DPYSL2: variants seen among roughly 807,000 people sequenced by gnomAD.
DPYSL2 encodes the protein dihydropyrimidinase like 2.
DPYSL2 carries 13 observed loss-of-function variants against 69.9 expected under a neutral mutation model. The ratio of observed to expected loss-of-function variants is 0.19; its 90% CI spans 0.12 to 0.30. The LOEUF is 0.30. Among genes scored for constraint, DPYSL2 ranks in the 10% least tolerant of loss-of-function variants. DPYSL2 has a pLI of 1.00. For missense variants in DPYSL2, 587 were observed against 918.9 expected, an observed-to-expected ratio of 0.64 and a Z score of 4.67; for synonymous variants, 326 against 359.1, an observed-to-expected ratio of 0.91 and a Z score of 1.04.
intron 1 of DPYSL2, among the ~76,000 whole-genome samples, chr8:26,545,505 G>A (rs1800752707): frequency 6.6e-6 from 1 of 152,154 alleles, no homozygotes; most frequent in Non-Finnish European, 1.5e-5. Context: ...GGAAGCAGGT[G>A]GGCAGATCAC....
intron 1 of DPYSL2, among the ~76,000 whole-genome samples, chr8:26,543,521 C>G (rs1202201420): frequency 6.7e-6 from 1 of 148,476 alleles, no homozygotes; most frequent in African/African-American, 2.5e-5. Context: ...GAGTTTTGCT[C>G]TTGTTGCCCA....
At chr8:26,581,945 G>T in intron 1 of DPYSL2, 24 bp from the exon 2 acceptor site, 1 of 1,594,424 alleles carries the variant, frequency 6.3e-7, no homozygotes, top group South Asian at 1.1e-5. Flanking sequence ...TACGCGTTGT[G>T]ACCTTACTGC....
At chr8:26,584,838 C>T (rs147311641) in intron 3 of DPYSL2, among the ~76,000 whole-genome samples, 8,959 of 151,990 alleles carry the variant, frequency 0.059, 294 homozygotes, top group South Asian at 0.14. Flanking sequence ...AGGCTGGTCT[C>T]GAACTCCCCA....
At position 26,614,305 on chromosome 8, in the gene DPYSL2, T is replaced by G. The variant is rs1403348381; in HGVS notation, c.629-9838T>G. 6.6e-6 allele frequency among the ~76,000 whole-genome samples: 1 copy of G among 151,580 alleles called. No individual in the cohort carries two copies. Among genetic ancestry groups the G allele is most frequent in the Non-Finnish European group, 1.5e-5 (1 of 67,888 alleles). ...GGACAGGTTCCAGGCACTGGCAGGATGGGGGCCAGTGTGCAGTGGGCCAAG... is the reference window on the plus strand; with the variant it reads ...GGACAGGTTCCAGGCACTGGCAGGAGGGGGGCCAGTGTGCAGTGGGCCAAG... On this transcript the variant is annotated intron_variant, in intron 3 of 13. Transcript: ENST00000521913. The surrounding 1 kb of genome is among the most constrained non-coding windows in gnomAD (Gnocchi z 4.9).
intron 3 of DPYSL2, among the ~76,000 whole-genome samples, chr8:26,613,184 T>C (rs1346106958): frequency 2.6e-5 from 4 of 152,196 alleles, no homozygotes; most frequent in Non-Finnish European, 4.4e-5. Context: ...GAAAATGGGA[T>C]GAAAAGCCCA....
At chr8:26,634,958 G>C in intron 8 of DPYSL2, 58 bp downstream of exon 8, 2 of 1,604,876 alleles carry the variant, frequency 1.2e-6, no homozygotes, top group Non-Finnish European at 1.7e-6. Flanking sequence ...GGGGAGGGGG[G>C]CTCCTCACTA....
rs1396870005 is a variant in DPYSL2, at chr8:26,647,080, T to A, written c.1426-550T>A. ...CAAATGATATTTCCTAAAGAGGGATTGCCACCCCTGCAAATTAAACGAATT... is the reference window on the plus strand; with the variant it reads ...CAAATGATATTTCCTAAAGAGGGATAGCCACCCCTGCAAATTAAACGAATT... On this transcript the variant is annotated intron_variant, in intron 10 of 13. Transcript: ENST00000521913. This position sits in a 1 kb window ranked among gnomAD's most constrained non-coding sequence, Gnocchi z 5.1. Among the ~76,000 whole-genome samples the A allele has an allele frequency of 1.3e-5, 2 of 152,130 alleles. No homozygotes were observed. The highest frequency in any genetic ancestry group is 2.9e-5 in the Non-Finnish European group (2 of 68,020).
chr8:26,562,534 T>G lies in DPYSL2; in HGVS notation c.355-19435T>G, dbSNP rs1801089478. Among the ~76,000 whole-genome samples the G allele has an allele frequency of 6.6e-6, 1 of 152,180 alleles. No homozygotes were observed. Among genetic ancestry groups the G allele is most frequent in the Non-Finnish European group, 1.5e-5 (1 of 68,038 alleles). On this transcript the variant is annotated intron_variant, in intron 1 of 13. Transcript: ENST00000521913. The surrounding 1 kb of genome is among the most constrained non-coding windows in gnomAD (Gnocchi z 4.9). ...ATATATAAAAAGTATTGGTCAGATTTTGTTGTTCCCGATTAGAATGCTTAA... is the reference window on the plus strand; with the variant it reads ...ATATATAAAAAGTATTGGTCAGATTGTGTTGTTCCCGATTAGAATGCTTAA...
intron 1 of DPYSL2, among the ~76,000 whole-genome samples, chr8:26,535,898 T>TTG (rs112620337): frequency 0.031 from 4,429 of 141,172 alleles, 109 homozygotes; most frequent in East Asian, 0.11. Flanking sequence ...TCTCTATGGG[T>TTG]TGTGTGTGTG....
Position 26,560,202 on chromosome 8 carries a change from C to T in DPYSL2, c.355-21767C>T, listed in dbSNP as rs1242082540. 6.6e-6 allele frequency among the ~76,000 whole-genome samples: 1 copy of T among 152,174 alleles called. No homozygotes were observed. Among genetic ancestry groups the T allele is most frequent in the Non-Finnish European group, 1.5e-5 (1 of 68,044 alleles). Reference sequence around the variant, plus strand: ...CCTTGGCAGCTCACTCTGCCTGAACCTGGGTGGCAGGGGCTGCATGTTTAG... The same window carrying T: ...CCTTGGCAGCTCACTCTGCCTGAACTTGGGTGGCAGGGGCTGCATGTTTAG... On this transcript the variant is annotated intron_variant, in intron 1 of 13. Coordinates refer to ENST00000521913, the MANE Select transcript of DPYSL2 (RefSeq NM_001197293.3). The surrounding 1 kb of genome is among the most constrained non-coding windows in gnomAD (Gnocchi z 4.4).
chr8:26,604,572 T>C (rs1329343723), intron 3 of DPYSL2, among the ~76,000 whole-genome samples: 1 of 152,074 alleles, frequency 6.6e-6, no homozygotes, highest in Non-Finnish European at 1.5e-5. Flanking sequence ...ATGGCCACTA[T>C]GCTTTGAACA....
rs1190780838 is a variant in DPYSL2, at chr8:26,516,135, C to A, written c.354+1456C>A. Among the ~76,000 whole-genome samples the A allele has an allele frequency of 2.6e-5, 4 of 152,204 alleles. No homozygotes were observed. The highest frequency in any genetic ancestry group is 2.6e-4 in the Admixed American group (4 of 15,282). On this transcript the variant is annotated intron_variant, in intron 1 of 13. Coordinates refer to ENST00000521913, the MANE Select transcript of DPYSL2 (RefSeq NM_001197293.3). The surrounding 1 kb of genome is among the most constrained non-coding windows in gnomAD (Gnocchi z 4.8). ...GACACAACTAATAATTTATATCCAA[C>A]CCCAGCCCTGCCCTCTAATTTATTC...
chr8:26,653,313 C>T lies in DPYSL2; in HGVS notation c.1858C>T (p.Pro620Ser). Residue 620 changes from proline (P) to serine (S), a missense_variant, in exon 13 of 14, where the codon CCA becomes TCA. Physicochemically the swap from Pro to Ser is moderately conservative, Grantham distance 74 (BLOSUM62 -1). Coordinates refer to ENST00000521913, the MANE Select transcript of DPYSL2 (RefSeq NM_001197293.3). This position sits in a 1 kb window ranked among gnomAD's most constrained non-coding sequence, Gnocchi z 5.7. ...EVSVTPKTVT[P>S]ASSAKTSPAK... ...GTCTGTGACGCCCAAGACAGTCACT[C>T]CAGCCTCCTCGGCCAAGACGTCTCC... 2 of 1,614,144 alleles carry T rather than the reference C, an allele frequency of 1.2e-6. No individual in the cohort carries two copies. The highest frequency in any genetic ancestry group is 1.7e-6 in the Non-Finnish European group (2 of 1,180,016).
In DPYSL2 at chr8:26,598,350, G is replaced by A. The variant is rs1417457958; in HGVS notation, c.628+14367G>A. On this transcript the variant is annotated intron_variant, in intron 3 of 13. Coordinates refer to ENST00000521913, the MANE Select transcript of DPYSL2 (RefSeq NM_001197293.3). This position sits in a 1 kb window ranked among gnomAD's most constrained non-coding sequence, Gnocchi z 4.2. ...TTGCTATGAAATGGTTTATTTTTTTGTGGATGTTTTAGAGCTCCTCCTCTC... is the reference window on the plus strand; with the variant it reads ...TTGCTATGAAATGGTTTATTTTTTTATGGATGTTTTAGAGCTCCTCCTCTC... Among the ~76,000 whole-genome samples, 1 of 152,102 alleles carries A rather than the reference G, an allele frequency of 6.6e-6. No homozygotes were observed. Among genetic ancestry groups the A allele is most frequent in the African/African-American group, 2.4e-5 (1 of 41,432 alleles).
At chr8:26,606,375 T>C (rs775353551) in intron 3 of DPYSL2, among the ~76,000 whole-genome samples, 3 of 152,194 alleles carry the variant, frequency 2.0e-5, no homozygotes, top group Non-Finnish European at 4.4e-5. Context: ...CCATATAATT[T>C]AGATATTTCA....
chr8:26,514,758 C>A lies in DPYSL2; in HGVS notation c.354+79C>A. ...TCCCTCGCCCCTGAGCCCGGCGCGC[C>A]CGCCTTCATGCCCCGCCCTGGACCT... On this transcript the variant is annotated intron_variant, in intron 1 of 13. Transcript: ENST00000521913. The surrounding 1 kb of genome is among the most constrained non-coding windows in gnomAD (Gnocchi z 8.4). 2 of 1,255,874 alleles carry A rather than the reference C, an allele frequency of 1.6e-6. No individual in the cohort carries two copies. Among genetic ancestry groups the A allele is most frequent in the Non-Finnish European group, 2.1e-6 (2 of 966,186 alleles). 77.8% of individuals were successfully genotyped at this position (1,255,874 alleles called of 1,614,324 possible). A position where few individuals can be genotyped will look rare whatever the true frequency, so the allele number is the denominator to read the frequency against.
At chr8:26,525,014 T>C (rs573505356) in intron 1 of DPYSL2, among the ~76,000 whole-genome samples, 27 of 152,238 alleles carry the variant, frequency 1.8e-4, no homozygotes, top group African/African-American at 5.5e-4. Context: ...TTCATTTTAA[T>C]GTCATCTGCT....
chr8:26,568,610 G>A (rs966204399), intron 1 of DPYSL2, among the ~76,000 whole-genome samples: 35 of 152,180 alleles, frequency 2.3e-4, no homozygotes, highest in African/African-American at 8.2e-4. Flanking sequence ...GTGTCCTCTA[G>A]GGAACCGAAA....
At chr8:26,531,235 G>A (rs571286231) in intron 1 of DPYSL2, among the ~76,000 whole-genome samples, 43 of 152,218 alleles carry the variant, frequency 2.8e-4, no homozygotes, top group Non-Finnish European at 5.0e-4. Context: ...AAACAGCAGA[G>A]GAAATTGAGG....
Sources: gnomAD v4.1 joint callset for allele counts (sites outside exome capture counted in the v4.1 genomes callset) on GRCh38, gnomAD v4.1.1 for gene constraint, Gnocchi (gnomAD v3.1) non-coding constraint, MANE v1.5 for transcripts, NCBI Gene and HGNC (gene_info 2026-07-23, HGNC 2026-07-21) for gene names.